The following SNX29 variants were observed in gnomAD, a reference collection of about 807,000 sequenced individuals.
The protein encoded by SNX29 is sorting nexin-29.
SNX29 carries 78 observed loss-of-function variants against 102.1 expected under a neutral mutation model. The observed-to-expected ratio is 0.76, with a 90% confidence interval of 0.64 to 0.92. SNX29 has a LOEUF of 0.92. Ranked by LOEUF, SNX29 falls within the 40% of genes least tolerant of loss-of-function variation. SNX29 has a pLI of 0.00. For missense variants in SNX29, 1,280 were observed against 1,061.7 expected (o/e 1.21, Z -2.86); for synonymous variants, 580 against 414.5 (o/e 1.40, Z -4.85).
In SNX29 at chr16:12,461,746, C is replaced by T. The variant is rs200752546; in HGVS notation, c.2038-15973C>T. On this transcript the variant is annotated intron_variant, in intron 18 of 20. Transcript: ENST00000566228. ...CTAAGGCGAGCAGATCACTTGAGGT[C>T]GGAAGTTCAAGACCAGCTTGGCTAA... Among the ~76,000 whole-genome samples the T allele has an allele frequency of 6.5e-4, 98 of 151,378 alleles. 1 individual carries two copies. The East Asian group carries it at 0.015, about 24-fold the overall frequency.
At chr16:12,515,516 C>G in intron 19 of SNX29, 3 of 489,596 alleles carry the variant, frequency 6.1e-6, no homozygotes, top group Middle Eastern at 6.1e-4. Flanking sequence ...CAGCCGCCAC[C>G]ATCTCCTGCC....
chr16:12,492,029 C>A (rs541603477), intron 19 of SNX29, among the ~76,000 whole-genome samples: 2 of 152,296 alleles, frequency 1.3e-5, no homozygotes, highest in East Asian at 3.9e-4. Context: ...ATTTATAATC[C>A]TTTGGGTATA....
At chr16:12,051,700 C>G in intron 7 of SNX29, 147 bp from the exon 8 acceptor site, 2 of 1,214,422 alleles carry the variant, frequency 1.6e-6, no homozygotes, top group Non-Finnish European at 2.3e-6. Context: ...CAGATTTTCA[C>G]TGAGGATTTT....
intron 15 of SNX29, among the ~76,000 whole-genome samples, chr16:12,304,105 G>A (rs1294667950): frequency 6.6e-6 from 1 of 152,086 alleles, no homozygotes; most frequent in Non-Finnish European, 1.5e-5. Context: ...TTTTTCCCAG[G>A]CCTAAGTAGC....
chr16:12,380,921 ACCATCCATCCATCCACCAT>A (rs2083091974), intron 16 of SNX29, among the ~76,000 whole-genome samples: 1 of 81,764 alleles, frequency 1.2e-5, no homozygotes, highest in Non-Finnish European at 2.3e-5. Context: ...CCATCCACCC[ACCATCCATCCATCCACCAT>A]CCATCCATCC....
At chr16:12,404,570 C>T (rs1252738964) in intron 18 of SNX29, among the ~76,000 whole-genome samples, 2 of 152,108 alleles carry the variant, frequency 1.3e-5, no homozygotes, top group Non-Finnish European at 2.9e-5. Context: ...CCCATGAGCT[C>T]TCTGCAAACC....
intron 11 of SNX29, among the ~76,000 whole-genome samples, chr16:12,119,329 G>A (rs2053876706): frequency 6.6e-6 from 1 of 152,148 alleles, no homozygotes; most frequent in African/African-American, 2.4e-5. Context: ...CTTTATAAAC[G>A]CTCACTGTGT....
rs118057675 is a variant in SNX29, at chr16:12,173,375, G to T, written c.1596-26226G>T. On this transcript the variant is annotated intron_variant, in intron 13 of 20. Coordinates refer to ENST00000566228, the MANE Select transcript of SNX29 (RefSeq NM_032167.5). ...AAGAATGACCCAGTTTGTGTGATCA[G>T]CTTTCACAAGCAGGCACAGATACTG... Among the ~76,000 whole-genome samples, 420 of 152,322 alleles carry T rather than the reference G, an allele frequency of 2.8e-3. 10 individuals carry two copies. The East Asian group carries it at 0.062, about 22-fold the overall frequency.
chr16:12,557,868 G>C (rs184695830), intron 20 of SNX29, among the ~76,000 whole-genome samples: 4 of 152,174 alleles, frequency 2.6e-5, no homozygotes, highest in Non-Finnish European at 5.9e-5. Context: ...CCATTCCAGC[G>C]AGTGGAGGAG....
chr16:12,559,270 TCAG>T (rs1322670268), intron 20 of SNX29, among the ~76,000 whole-genome samples: 1 of 152,080 alleles, frequency 6.6e-6, no homozygotes, highest in African/African-American at 2.4e-5. Context: ...GCCTGTCAGA[TCAG>T]CAGCAGCACT....
At chr16:12,334,444 G>T (rs1015601395) in intron 15 of SNX29, among the ~76,000 whole-genome samples, 1 of 152,148 alleles carries the variant, frequency 6.6e-6, no homozygotes, top group Non-Finnish European at 1.5e-5. Flanking sequence ...GTTCGGCACC[G>T]TGCAAACCAC....
chr16:11,983,547 T>C (rs2055476837), intron 1 of SNX29: 1 of 545,604 alleles, frequency 1.8e-6, no homozygotes, highest in African/African-American at 2.1e-5. Flanking sequence ...GCTATCAACA[T>C]TTTTTCCCCC....
intron 18 of SNX29, among the ~76,000 whole-genome samples, chr16:12,453,281 AT>A (rs763512230): frequency 6.6e-5 from 10 of 152,222 alleles, no homozygotes; most frequent in Non-Finnish European, 1.3e-4. Context: ...TCTCAGAATC[AT>A]CCCCCACATG....
intron 13 of SNX29, among the ~76,000 whole-genome samples, chr16:12,129,984 GT>G (rs2054386639): frequency 6.6e-6 from 1 of 151,092 alleles, no homozygotes; most frequent in Non-Finnish European, 1.5e-5. Context: ...GGTGCCTGTA[GT>G]CCCAGCTACT....
rs1305519048 is a variant in SNX29 at position 12,274,538 on chromosome 16, C to CT, written c.1679-3394dup. ...ACTTGTAGTTCTCTATTCTCCCCACCTCTTTTTTTTTTTTTTGAGACAGAG... is the reference window on the plus strand; with the variant it reads ...ACTTGTAGTTCTCTATTCTCCCCACCTTCTTTTTTTTTTTTTTGAGACAGAG... On this transcript the variant is annotated intron_variant, in intron 14 of 20. Transcript: ENST00000566228. Among the ~76,000 whole-genome samples, 347 of 150,942 alleles carry CT rather than the reference C, an allele frequency of 2.3e-3. 2 individuals carry two copies. The highest frequency in any genetic ancestry group is 7.7e-3 in the African/African-American group (318 of 41,080).
chr16:12,371,748 G>GC (rs1481534782), intron 16 of SNX29, among the ~76,000 whole-genome samples: 1 of 152,122 alleles, frequency 6.6e-6, no homozygotes, highest in Non-Finnish European at 1.5e-5. Context: ...GCCAACTCTT[G>GC]CCCCCAGTGC....
At position 12,573,865 on chromosome 16, in the gene SNX29, C is replaced by G. The variant is rs1327995247; in HGVS notation, c.*5236C>G. The G allele has an allele frequency of 1.9e-5, 4 of 210,028 alleles. No individual in the cohort carries two copies. The highest frequency in any genetic ancestry group is 2.9e-5 in the Non-Finnish European group (3 of 103,404). 13.0% of individuals were successfully genotyped at this position (210,028 alleles called of 1,614,324 possible). On this transcript the variant is annotated 3_prime_UTR_variant, in exon 21 of 21. Transcript: ENST00000566228. ...CTCATCCTAAGAAGAATGTTGGCCT[C>G]TCTTCATCCCTGGCTTAGCCGTCAG...
rs1555478043 is a variant in SNX29, at chr16:12,170,773, G to GTA, written c.1596-28827_1596-28826insAT. On this transcript the variant is annotated intron_variant, in intron 13 of 20. Coordinates refer to ENST00000566228, the MANE Select transcript of SNX29 (RefSeq NM_032167.5). ...GTGTGTGTGTGTGAGAGGAGTGTGA[G>GTA]TGTGTGTGTGAGAGTGAGAGCACGT... Among the ~76,000 whole-genome samples, 4 of 57,626 alleles carry GTA rather than the reference G, an allele frequency of 6.9e-5. No individual in the cohort carries two copies. In the African/African-American group the frequency reaches 2.7e-3, roughly 39 times the overall value. The allele number at this position is 57,626 out of a possible 152,430, so 37.8% of individuals were successfully genotyped here.
At chr16:12,482,587 C>G (rs922356785) in intron 19 of SNX29, among the ~76,000 whole-genome samples, 1 of 152,220 alleles carries the variant, frequency 6.6e-6, no homozygotes, top group Non-Finnish European at 1.5e-5. Context: ...CAGGCATGAG[C>G]CACTGCTCCT....
Sources: allele counts gnomAD v4.1 joint callset (sites outside exome capture counted in the v4.1 genomes callset), GRCh38; gene constraint gnomAD v4.1.1; transcripts MANE v1.5; gene names NCBI Gene and HGNC (gene_info 2026-07-23, HGNC 2026-07-21).